The following EYA2 variants were observed in gnomAD, a reference collection of about 807,000 sequenced individuals.
EYA2 encodes protein phosphatase EYA2.
Under a neutral mutation model 69.2 loss-of-function variants are expected in EYA2, and 31 were observed. The ratio of observed to expected loss-of-function variants is 0.45; its 90% CI spans 0.34 to 0.60. The LOEUF (loss-of-function observed/expected upper bound fraction) is 0.60. Ranked by LOEUF, EYA2 falls within the 20% of genes least tolerant of loss-of-function variation. The probability of loss-of-function intolerance (pLI) is 0.02; values close to 1 mark genes in which losing one functional copy is unlikely to be tolerated. For missense variants in EYA2, 622 were observed against 701.2 expected (o/e 0.89, Z 1.28); for synonymous variants, 257 against 279.4 (o/e 0.92, Z 0.80).
intron 5 of EYA2, among the ~76,000 whole-genome samples, chr20:47,043,153 G>T (rs1035818433): frequency 2.6e-5 from 4 of 152,122 alleles, no homozygotes; most frequent in Non-Finnish European, 5.9e-5. Context: ...AGAGCTCTGG[G>T]CCCAAAAGTA....
At position 46,929,330 on chromosome 20, in the gene EYA2, T is replaced by TGGAG. The variant is rs1352406137; in HGVS notation, c.-11+34348_-11+34351dup. 3.9e-4 allele frequency among the ~76,000 whole-genome samples: 59 copies of TGGAG among 151,774 alleles called. 1 individual carries two copies. Among genetic ancestry groups the TGGAG allele is most frequent in the Non-Finnish European group, 1.5e-5 (1 of 67,970 alleles). ...TAGCAGGAGAATTGCATCTTGAGGC[T>TGGAG]GGAGGGAGCACAGGGCTATTGATGG... On this transcript the variant is annotated intron_variant, in intron 1 of 15. Transcript: ENST00000327619.
intron 9 of EYA2, among the ~76,000 whole-genome samples, chr20:47,120,207 CAAA>C: frequency 6.7e-6 from 1 of 148,250 alleles, no homozygotes; most frequent in Non-Finnish European, 1.5e-5. Context: ...GACTCCGCCT[CAAA>C]AAAAAAATTA....
At chr20:46,981,017 G>A (rs959524179) in intron 1 of EYA2, among the ~76,000 whole-genome samples, 22 of 152,218 alleles carry the variant, frequency 1.4e-4, no homozygotes, top group African/African-American at 3.1e-4. Flanking sequence ...GGTGGAGTGC[G>A]CTGACATTTG....
intron 1 of EYA2, among the ~76,000 whole-genome samples, chr20:46,935,146 G>A (rs765866498): frequency 6.6e-6 from 1 of 152,228 alleles, no homozygotes; most frequent in Non-Finnish European, 1.5e-5. Context: ...CCCTGCATCA[G>A]CTCTACTCAG....
chr20:46,976,493 C>A (rs1041919375), intron 1 of EYA2, among the ~76,000 whole-genome samples: 2 of 152,178 alleles, frequency 1.3e-5, no homozygotes, highest in African/African-American at 4.8e-5. Flanking sequence ...TCACGCCATT[C>A]TCCTGCCTCA....
intron 1 of EYA2, among the ~76,000 whole-genome samples, chr20:46,895,603 T>G (rs1048168479): frequency 2.0e-5 from 3 of 152,166 alleles, no homozygotes; most frequent in Admixed American, 6.5e-5. Flanking sequence ...AGTTGAAACT[T>G]AGAAAAGTTT....
intron 5 of EYA2, among the ~76,000 whole-genome samples, chr20:47,041,090 T>C (rs1430220167): frequency 3.3e-5 from 5 of 152,150 alleles, no homozygotes; most frequent in Non-Finnish European, 7.4e-5. Context: ...AGCAGGTGGG[T>C]GCAGCCCCCA....
At chr20:46,931,426 A>G (rs923212878) in intron 1 of EYA2, among the ~76,000 whole-genome samples, 1 of 152,142 alleles carries the variant, frequency 6.6e-6, no homozygotes, top group African/African-American at 2.4e-5. Context: ...AGGCTCTGGA[A>G]CCAAGCACCT....
chr20:46,983,002 G>A (rs1414723579), intron 1 of EYA2, among the ~76,000 whole-genome samples: 3 of 152,016 alleles, frequency 2.0e-5, no homozygotes, highest in Admixed American at 6.6e-5. Flanking sequence ...TCAAACTCCT[G>A]CTTCAGGTGA....
At chr20:47,039,834 A>AATTTTTTTTT (rs1984938081) in intron 5 of EYA2, among the ~76,000 whole-genome samples, 1 of 34,738 alleles carries the variant, frequency 2.9e-5, no homozygotes, top group Non-Finnish European at 7.2e-5. Context: ...AAGATCAAAT[A>AATTTTTTTTT]CTTTTTTTTT....
intron 9 of EYA2, among the ~76,000 whole-genome samples, chr20:47,119,512 C>G (rs2032991192): frequency 6.6e-6 from 1 of 152,196 alleles, no homozygotes; most frequent in East Asian, 1.9e-4. Flanking sequence ...GAATGGGGTA[C>G]TGATACATGC....
chr20:47,099,653 G>T (rs540230803), intron 9 of EYA2, among the ~76,000 whole-genome samples: 2 of 152,332 alleles, frequency 1.3e-5, no homozygotes, highest in East Asian at 3.9e-4. Flanking sequence ...GGAAGCCTCT[G>T]CTATAATCTA....
chr20:46,958,840 A>G (rs1384502987), intron 1 of EYA2, among the ~76,000 whole-genome samples: 1 of 152,192 alleles, frequency 6.6e-6, no homozygotes, highest in African/African-American at 2.4e-5. Flanking sequence ...AATGGCCTCA[A>G]GCTCCATCCA....
intron 9 of EYA2, among the ~76,000 whole-genome samples, chr20:47,130,625 A>G (rs2033319780): frequency 6.6e-6 from 1 of 152,182 alleles, no homozygotes; most frequent in South Asian, 2.1e-4. Flanking sequence ...CATGACCGCA[A>G]TAGAAGACAT....
intron 5 of EYA2, among the ~76,000 whole-genome samples, chr20:47,068,081 A>G (rs958026155): frequency 5.3e-5 from 8 of 152,216 alleles, no homozygotes; most frequent in Non-Finnish European, 7.3e-5. Flanking sequence ...ACAGCCTACT[A>G]GCTTTATGAC....
At chr20:47,004,363 A>G (rs2146349871) in intron 3 of EYA2, among the ~76,000 whole-genome samples, 1 of 152,382 alleles carries the variant, frequency 6.6e-6, no homozygotes, top group African/African-American at 2.4e-5. Context: ...CTTGATTGAC[A>G]GCCCTGTTAA....
chr20:47,071,369 C>T (rs2031309582), intron 5 of EYA2, among the ~76,000 whole-genome samples: 1 of 152,068 alleles, frequency 6.6e-6, no homozygotes, highest in Non-Finnish European at 1.5e-5. Flanking sequence ...CTAGAGTGGC[C>T]ATAATCAAGA....
At chr20:47,147,139 C>T (rs777451644) in intron 10 of EYA2, among the ~76,000 whole-genome samples, 2 of 149,508 alleles carry the variant, frequency 1.3e-5, no homozygotes, top group Non-Finnish European at 3.0e-5. Context: ...ACCTCTGCCT[C>T]CTGGGTTCAA....
chr20:47,178,079 C>G (rs1188736168), intron 12 of EYA2, among the ~76,000 whole-genome samples: 1 of 152,178 alleles, frequency 6.6e-6, no homozygotes, highest in Non-Finnish European at 1.5e-5. Flanking sequence ...ACCTGTAATT[C>G]CAGCACTTTG....
Sources: allele counts gnomAD v4.1 joint callset (sites outside exome capture counted in the v4.1 genomes callset), GRCh38; gene constraint gnomAD v4.1.1; transcripts MANE v1.5; gene names NCBI Gene and HGNC (gene_info 2026-07-23, HGNC 2026-07-21).